Variants in MTUS2 observed in about 807,000 individuals in gnomAD.
MTUS2 encodes microtubule associated scaffold protein 2.
MTUS2 carries 40 observed loss-of-function variants against 114.1 expected under a neutral mutation model. The observed-to-expected ratio is 0.35, with a 90% CI of 0.27 to 0.46. The LOEUF is 0.46. Among genes scored for constraint, MTUS2 ranks in the 20% least tolerant of loss-of-function variants. The pLI, the probability that MTUS2 is intolerant of heterozygous loss-of-function variation, is 1.00. For synonymous variants in MTUS2, 688 were observed against 672.0 expected (o/e 1.02, Z -0.37); for missense variants, 1,679 against 1,705.4 (o/e 0.98, Z 0.27).
At chr13:29,432,950 G>T (rs1021940039) in intron 8 of MTUS2, among the ~76,000 whole-genome samples, 1 of 152,202 alleles carries the variant, frequency 6.6e-6, no homozygotes, top group African/African-American at 2.4e-5. Context: ...ATTTGGGAGG[G>T]TTATTAGAGG....
chr13:28,989,390 A>G (rs1884723306), intron 2 of MTUS2, among the ~76,000 whole-genome samples: 1 of 152,234 alleles, frequency 6.6e-6, no homozygotes, highest in South Asian at 2.1e-4. Context: ...AGGGGAGCAT[A>G]TGTAGTTCAG....
At position 29,044,879 on chromosome 13, in the gene MTUS2, A is replaced by G. The variant is rs887713033; in HGVS notation, c.2446+10754A>G. On this transcript the variant is annotated intron_variant, in intron 4 of 15. Transcript: ENST00000612955. ...TTTTAAAGTCATTTAGGTTGTTGGT[A>G]GAGTCTATCTCATGTGCTTGTGGTA... is the stretch of plus-strand genomic sequence containing the variant. Among the ~76,000 whole-genome samples, 9 of 152,140 alleles carry G rather than the reference A, an allele frequency of 5.9e-5. No homozygotes were observed. In the South Asian group the frequency reaches 1.7e-3, roughly 28 times the overall value.
intron 8 of MTUS2, among the ~76,000 whole-genome samples, chr13:29,415,453 G>T (rs1250830252): frequency 6.6e-6 from 1 of 152,144 alleles, no homozygotes; most frequent in Non-Finnish European, 1.5e-5. Context: ...GCATTAAAAG[G>T]TGCTAATTTT....
At chr13:28,952,549 C>A (rs986058229) in intron 2 of MTUS2, among the ~76,000 whole-genome samples, 1 of 152,094 alleles carries the variant, frequency 6.6e-6, no homozygotes, top group South Asian at 2.1e-4. Context: ...TCTCTTCTGT[C>A]ATCTTATCTC....
At chr13:29,000,889 G>A (rs1885355289) in intron 2 of MTUS2, among the ~76,000 whole-genome samples, 1 of 152,086 alleles carries the variant, frequency 6.6e-6, no homozygotes. Flanking sequence ...CTTCTACGCA[G>A]CCCACTCTAA....
intron 2 of MTUS2, among the ~76,000 whole-genome samples, chr13:28,864,064 G>A (rs1340783895): frequency 6.6e-6 from 1 of 152,142 alleles, no homozygotes; most frequent in African/African-American, 2.4e-5. Context: ...CTGGGATTCA[G>A]AAGCTGTGGG....
At position 29,343,540 on chromosome 13, in the gene MTUS2, C is replaced by T. The variant is rs185828646; in HGVS notation, c.2906-15722C>T. Among the ~76,000 whole-genome samples, 15 of 151,410 alleles carry T rather than the reference C, an allele frequency of 9.9e-5. No individual in the cohort carries two copies. The East Asian group carries it at 2.1e-3, about 22-fold the overall frequency. The stretch of plus-strand genomic sequence containing the variant: ...TCTAATCAGGTTTATTTGGATCTTC[C>T]CTCTTCTTTTCTTGGTTCATCTTGC... On this transcript the variant is annotated intron_variant, in intron 7 of 15. Coordinates refer to ENST00000612955, the MANE Select transcript of MTUS2 (RefSeq NM_001033602.4).
At chr13:28,904,437 GT>G (rs1408881322) in intron 2 of MTUS2, among the ~76,000 whole-genome samples, 1 of 152,124 alleles carries the variant, frequency 6.6e-6, no homozygotes, top group African/African-American at 2.4e-5. Context: ...TGTATAAGGT[GT>G]AAGGAAGGGA....
At chr13:29,165,955 A>G (rs537544566) in intron 5 of MTUS2, among the ~76,000 whole-genome samples, 119 of 152,338 alleles carry the variant, frequency 7.8e-4, no homozygotes, top group African/African-American at 2.8e-3. Context: ...GAGGTTATGG[A>G]CGAGGCTAGG....
At chr13:29,008,996 A>G (rs531907580) in intron 2 of MTUS2, among the ~76,000 whole-genome samples, 33 of 150,370 alleles carry the variant, frequency 2.2e-4, no homozygotes, top group African/African-American at 7.8e-4. Context: ...TCATCTAATT[A>G]TTTTATCTTT....
chr13:28,941,363 A>G (rs1882224394), intron 2 of MTUS2, among the ~76,000 whole-genome samples: 1 of 152,104 alleles, frequency 6.6e-6, no homozygotes, highest in Non-Finnish European at 1.5e-5. Flanking sequence ...CACTACAGGA[A>G]TTTAAGTTAG....
chr13:29,392,458 C>CA (rs1315087268), intron 8 of MTUS2, among the ~76,000 whole-genome samples: 1 of 152,170 alleles, frequency 6.6e-6, no homozygotes. Context: ...TCCCGACTCA[C>CA]AGGACACACA....
intron 9 of MTUS2, among the ~76,000 whole-genome samples, chr13:29,468,114 G>T (rs2138826879): frequency 6.6e-6 from 1 of 152,030 alleles, no homozygotes. Flanking sequence ...GGGAGACCCT[G>T]CCTCAAAAAA....
At chr13:29,128,358 CAAG>C (rs1385766647) in intron 5 of MTUS2, among the ~76,000 whole-genome samples, 3 of 152,004 alleles carry the variant, frequency 2.0e-5, no homozygotes, top group Non-Finnish European at 2.9e-5. Context: ...AGGTGAAACT[CAAG>C]GAGAGGAAAC....
Position 29,359,371 on chromosome 13 carries a change from T to A in MTUS2, c.3015T>A (p.Cys1005Ter). The A allele has an allele frequency of 6.2e-7, 1 of 1,613,264 alleles. No individual in the cohort carries two copies. The highest frequency in any genetic ancestry group is 8.5e-7 in the Non-Finnish European group (1 of 1,179,674). Residue 1005 changes from cysteine (C) to a stop codon, truncating the protein, a stop_gained, in exon 8 of 16, where the codon TGT becomes TGA. Transcript: ENST00000612955. LOFTEE classifies it high-confidence loss of function. The stretch of plus-strand genomic sequence containing the variant: ...TGGTGCTGCGGCTGAAGGAGCGGTG[T>A]GAGCAGCAGACCAGACAGCTGGGCG... The part of the protein sequence containing the change: ...RQLVLRLKER[C>*]EQQTRQLGVA...
intron 6 of MTUS2, among the ~76,000 whole-genome samples, chr13:29,318,048 C>G (rs1317944833): frequency 6.6e-6 from 1 of 152,204 alleles, no homozygotes; most frequent in African/African-American, 2.4e-5. Flanking sequence ...GGGAGCTGAT[C>G]TGTGGGGCCA....
chr13:28,865,982 A>G (rs1877275033), intron 2 of MTUS2, among the ~76,000 whole-genome samples: 1 of 152,116 alleles, frequency 6.6e-6, no homozygotes, highest in Admixed American at 6.5e-5. Context: ...ACTTTTCTTC[A>G]TTTCAAAAGC....
At chr13:29,488,324 T>A (rs576957433) in intron 11 of MTUS2, among the ~76,000 whole-genome samples, 244 of 152,216 alleles carry the variant, frequency 1.6e-3, no homozygotes, top group Middle Eastern at 3.4e-3. Flanking sequence ...TGGTCCATAG[T>A]GCAGTGTAAA....
intron 2 of MTUS2, among the ~76,000 whole-genome samples, chr13:28,928,284 T>C (rs572551273): frequency 1.9e-4 from 29 of 152,196 alleles, no homozygotes; most frequent in African/African-American, 7.0e-4. Flanking sequence ...AGCTACTGCA[T>C]AGCAAGGGAA....
Sources: allele counts gnomAD v4.1 joint callset (sites outside exome capture counted in the v4.1 genomes callset), GRCh38; gene constraint gnomAD v4.1.1; transcripts MANE v1.5; gene names NCBI Gene and HGNC (gene_info 2026-07-23, HGNC 2026-07-21).